The following GPHN variants were observed in gnomAD, a reference collection of about 807,000 sequenced individuals.
The protein encoded by GPHN is gephyrin.
In GPHN, 17 loss-of-function variants were observed where a neutral mutation model predicts 95.5. That is an observed-to-expected ratio of 0.18 (90% CI 0.12 to 0.27). The LOEUF is 0.27. GPHN is among the 10% of genes least tolerant of loss of function. The pLI, the probability that GPHN is intolerant of heterozygous loss-of-function variation, is 1.00. For synonymous variants in GPHN, 320 were observed against 322.5 expected (o/e 0.99, Z 0.08); for missense variants, 660 against 978.1 (o/e 0.67, Z 4.34).
chr14:67,087,848 G>A (rs2076973077), intron 11 of GPHN, among the ~76,000 whole-genome samples: 1 of 151,988 alleles, frequency 6.6e-6, no homozygotes, highest in Admixed American at 6.6e-5. Flanking sequence ...ACTTGTCTTG[G>A]TTTCTTTTCT....
At chr14:67,391,347 C>A in the GPHN span, among the ~76,000 whole-genome samples, 1 of 150,442 alleles carries the variant, frequency 6.6e-6, no homozygotes, top group Admixed American at 6.6e-5. Flanking sequence ...AAGGTTAGAT[C>A]ACAAACCTTA....
chr14:67,038,407 A>AT (rs2074536702), intron 10 of GPHN, among the ~76,000 whole-genome samples: 1 of 152,154 alleles, frequency 6.6e-6, no homozygotes, highest in African/African-American at 2.4e-5. Flanking sequence ...ATTCTGTTAA[A>AT]TTTTTTAACA....
At chr14:67,444,631 A>G in the GPHN span, among the ~76,000 whole-genome samples, 2 of 152,120 alleles carry the variant, frequency 1.3e-5, no homozygotes, top group African/African-American at 4.8e-5. Flanking sequence ...TCAGGATAGA[A>G]CCCCTAGATA....
At chr14:67,564,985 C>T in the GPHN span, among the ~76,000 whole-genome samples, 1 of 152,148 alleles carries the variant, frequency 6.6e-6, no homozygotes, top group African/African-American at 2.4e-5. Context: ...GCCACTGTGT[C>T]TGGCCCTGTA....
chr14:67,589,941 T>C, the GPHN span: 1 of 1,328,082 alleles, frequency 7.5e-7, no homozygotes, highest in South Asian at 2.3e-5. Context: ...TCACCTGCTC[T>C]ATGGCTCTAA....
chr14:67,039,460 G>C (rs1367355374), intron 10 of GPHN, among the ~76,000 whole-genome samples: 1 of 152,074 alleles, frequency 6.6e-6, no homozygotes, highest in Non-Finnish European at 1.5e-5. Flanking sequence ...TGTGTTCCTT[G>C]AAAGACTGTG....
chr14:67,695,881 G>A, the GPHN span: 6 of 601,450 alleles, frequency 1.0e-5, no homozygotes, highest in Admixed American at 6.1e-5. Flanking sequence ...TGCCGCCAAC[G>A]CTGGCAGAAG....
intron 9 of GPHN, among the ~76,000 whole-genome samples, chr14:66,977,529 T>G (rs2070338495): frequency 6.6e-6 from 1 of 152,208 alleles, no homozygotes. Context: ...ACAGGAATTT[T>G]TATCACAGCA....
chr14:67,051,949 C>A (rs918025422), intron 10 of GPHN, among the ~76,000 whole-genome samples: 1 of 152,150 alleles, frequency 6.6e-6, no homozygotes, highest in African/African-American at 2.4e-5. Context: ...CTTGCAGGAG[C>A]TCCTGAGAGA....
intron 4 of GPHN, among the ~76,000 whole-genome samples, chr14:66,878,583 C>G (rs1255085191): frequency 6.6e-6 from 1 of 152,116 alleles, no homozygotes; most frequent in Non-Finnish European, 1.5e-5. Flanking sequence ...AAAACGAAGA[C>G]AGTTATGCAG....
At chr14:67,690,669 T>A in the GPHN span, 2 of 483,146 alleles carry the variant, frequency 4.1e-6, no homozygotes, top group Non-Finnish European at 7.5e-6. Flanking sequence ...AGCTCATTCC[T>A]ACTTTGGTTA....
chr14:67,499,931 A>AG, the GPHN span, among the ~76,000 whole-genome samples: 1 of 152,148 alleles, frequency 6.6e-6, no homozygotes, highest in Non-Finnish European at 1.5e-5. Context: ...CGGATTAAGG[A>AG]GGGGAGTGGT....
the GPHN span, chr14:67,590,259 T>G: frequency 4.3e-6 from 5 of 1,173,438 alleles, no homozygotes; most frequent in Non-Finnish European, 4.6e-6. Flanking sequence ...ATTTTTTTTT[T>G]TTTTTTTTTT....
intron 3 of GPHN, among the ~76,000 whole-genome samples, chr14:66,793,569 A>G (rs1186706721): frequency 6.6e-6 from 1 of 152,168 alleles, no homozygotes; most frequent in Admixed American, 6.5e-5. Flanking sequence ...ATATGTCTGT[A>G]TACATATATG....
At chr14:67,003,929 T>C (rs1167452367) in intron 9 of GPHN, among the ~76,000 whole-genome samples, 1 of 132,606 alleles carries the variant, frequency 7.5e-6, no homozygotes, top group East Asian at 2.3e-4. Context: ...TAATCATTTC[T>C]ACTGCCGGGT....
At chr14:67,337,967 A>G in the GPHN span, 8 of 152,234 alleles carry the variant, frequency 5.3e-5, no homozygotes, top group African/African-American at 1.4e-4. Context: ...AGTGGGAAAA[A>G]TAGCTACCCA....
At chr14:66,624,294 T>C (rs978415251) in intron 1 of GPHN, among the ~76,000 whole-genome samples, 3 of 152,236 alleles carry the variant, frequency 2.0e-5, no homozygotes, top group Non-Finnish European at 2.9e-5. Context: ...TAAATTACTA[T>C]AGCCCTTGAC....
intron 3 of GPHN, among the ~76,000 whole-genome samples, chr14:66,810,273 C>T (rs1185850276): frequency 2.0e-5 from 3 of 151,798 alleles, no homozygotes; most frequent in African/African-American, 7.2e-5. Context: ...ATCATAGTGA[C>T]TATTATTAAA....
At chr14:67,423,918 T>C in the GPHN span, among the ~76,000 whole-genome samples, 1 of 152,212 alleles carries the variant, frequency 6.6e-6, no homozygotes, top group South Asian at 2.1e-4. Flanking sequence ...TGGAATTGAA[T>C]GCTTAACACC....
Sources: allele counts gnomAD v4.1 joint callset (sites outside exome capture counted in the v4.1 genomes callset), GRCh38; gene constraint gnomAD v4.1.1; transcripts MANE v1.5; gene names NCBI Gene and HGNC (gene_info 2026-07-23, HGNC 2026-07-21).